RSF1: variants seen among roughly 807,000 people sequenced by gnomAD.
RSF1 encodes remodeling and spacing factor 1, also known as HBV pX-associated protein 8.
Under a neutral mutation model 145.2 loss-of-function variants are expected in RSF1, and 13 were observed. The ratio of observed to expected loss-of-function variants is 0.09; its 90% CI spans 0.06 to 0.14. The LOEUF (loss-of-function observed/expected upper bound fraction) is 0.14. RSF1 is among the 10% of genes least tolerant of loss of function. The pLI is 1.00. For missense variants in RSF1, 1,517 were observed against 1,718.2 expected, an observed-to-expected ratio of 0.88 and a Z score of 2.07; for synonymous variants, 577 against 592.6, an observed-to-expected ratio of 0.97 and a Z score of 0.38.
At chr11:77,714,955 C>A (rs1417671640) in intron 5 of RSF1, among the ~76,000 whole-genome samples, 1 of 152,022 alleles carries the variant, frequency 6.6e-6, no homozygotes, top group Non-Finnish European at 1.5e-5. Context: ...CTCATCTCTA[C>A]AAAAACAATT....
chr11:77,815,363 A>G (rs1948771789), intron 1 of RSF1, among the ~76,000 whole-genome samples: 1 of 152,244 alleles, frequency 6.6e-6, no homozygotes, highest in Non-Finnish European at 1.5e-5. Flanking sequence ...CTTTTGTGGG[A>G]TCTACTCTAC....
the RSF1 span, among the ~76,000 whole-genome samples, chr11:77,864,595 G>A: frequency 0.15 from 22,114 of 152,056 alleles, 1,816 homozygotes; most frequent in Admixed American, 0.2. Flanking sequence ...GGTTCATACT[G>A]GAAGCAGCAA....
In RSF1 at chr11:77,666,757, T is replaced by C; in HGVS notation, c.*160A>G. The C allele has an allele frequency of 2.0e-6, 1 of 495,446 alleles. No individual in the cohort carries two copies. Among genetic ancestry groups the C allele is most frequent in the Non-Finnish European group, 3.5e-6 (1 of 288,524 alleles). 30.7% of individuals were successfully genotyped at this position (495,446 alleles called of 1,614,324 possible). On this transcript the variant is annotated 3_prime_UTR_variant, in exon 16 of 16. Coordinates refer to ENST00000308488, the MANE Select transcript of RSF1 (RefSeq NM_016578.4). ...ATTATTTATCTTCAAAGTTCAGAAC[T>C]GGTCACTTCACAGAAAGACTTCAGG...
intron 14 of RSF1, 101 bp downstream of exon 14, chr11:77,674,935 G>A (rs1407448557): frequency 2.3e-6 from 2 of 869,716 alleles, no homozygotes; most frequent in African/African-American, 1.7e-5. Context: ...GGACACAGAG[G>A]TTGCAGTGAG....
chr11:77,674,007 A>C (rs923836269), intron 14 of RSF1, among the ~76,000 whole-genome samples: 5 of 152,200 alleles, frequency 3.3e-5, no homozygotes, highest in African/African-American at 1.2e-4. Flanking sequence ...TATAAAGAAT[A>C]ATATGGAGAT....
chr11:77,783,961 T>A (rs140903976), intron 1 of RSF1, among the ~76,000 whole-genome samples: 2 of 152,370 alleles, frequency 1.3e-5, no homozygotes, highest in African/African-American at 4.8e-5. Context: ...CACTGCTTTC[T>A]GGCAAAGGAC....
At chr11:77,696,138 T>C (rs1344587578) in intron 7 of RSF1, among the ~76,000 whole-genome samples, 1 of 152,224 alleles carries the variant, frequency 6.6e-6, no homozygotes, top group African/African-American at 2.4e-5. Flanking sequence ...ATTTATCACA[T>C]AGTTTCTATA....
chr11:77,708,875 C>A (rs1330694804), intron 5 of RSF1, among the ~76,000 whole-genome samples: 2 of 152,146 alleles, frequency 1.3e-5, no homozygotes, highest in African/African-American at 4.8e-5. Context: ...AGCAAACTTT[C>A]TATAAAGGGT....
chr11:77,784,648 T>A (rs1948436632), intron 1 of RSF1, among the ~76,000 whole-genome samples: 1 of 152,204 alleles, frequency 6.6e-6, no homozygotes, highest in South Asian at 2.1e-4. Context: ...TAAAAATCAG[T>A]TGGGCTTTGT....
chr11:77,700,838 A>G lies in RSF1; in HGVS notation c.2391T>C (p.Asp797=). ...CATCTTCTCCTTCCCCTCTTTTTTT[A>G]TCAGCTTTCTGATCTCTGATCTCAG... ...KVAEIRDQKA[D]KKRGEGEDEV... The change falls in exon 6 of 16, where the codon GAT becomes GAC. Residue 797 remains aspartate, a synonymous_variant. Transcript: ENST00000308488. 6.2e-7 allele frequency: 1 copy of G among 1,612,702 alleles called. No homozygotes were observed. The highest frequency in any genetic ancestry group is 8.5e-7 in the Non-Finnish European group (1 of 1,179,794).
At chr11:77,736,155 A>G (rs1282708620) in intron 4 of RSF1, among the ~76,000 whole-genome samples, 4 of 152,232 alleles carry the variant, frequency 2.6e-5, no homozygotes. Flanking sequence ...ATCAGTCTTA[A>G]GACAATCACT....
chr11:77,819,895 G>A (rs1256002331), intron 1 of RSF1, among the ~76,000 whole-genome samples: 2 of 151,994 alleles, frequency 1.3e-5, no homozygotes, highest in Admixed American at 6.6e-5. Flanking sequence ...GGGAGGAGCA[G>A]ACCTCCCCAC....
At chr11:77,709,949 T>C (rs1590843732) in intron 5 of RSF1, among the ~76,000 whole-genome samples, 1 of 152,142 alleles carries the variant, frequency 6.6e-6, no homozygotes, top group Non-Finnish European at 1.5e-5. Flanking sequence ...ACTTTAAAAT[T>C]TCATGGTACT....
chr11:77,827,692 C>T, the RSF1 span, among the ~76,000 whole-genome samples: 1 of 152,270 alleles, frequency 6.6e-6, no homozygotes, highest in African/African-American at 2.4e-5. Flanking sequence ...CTAATTCCTC[C>T]CTCCTAAGGT....
intron 5 of RSF1, among the ~76,000 whole-genome samples, chr11:77,724,158 G>A (rs528911384): frequency 2.6e-4 from 39 of 152,210 alleles, no homozygotes; most frequent in African/African-American, 8.2e-4. Flanking sequence ...AAAGATAGAT[G>A]CTTAACATCA....
intron 1 of RSF1, among the ~76,000 whole-genome samples, chr11:77,784,530 G>A (rs1344930760): frequency 6.6e-6 from 1 of 151,998 alleles, no homozygotes; most frequent in African/African-American, 2.4e-5. Context: ...AGCACAGCTA[G>A]TAATTTGAGC....
At chr11:77,810,723 A>G (rs1009868418) in intron 1 of RSF1, among the ~76,000 whole-genome samples, 1 of 152,118 alleles carries the variant, frequency 6.6e-6, no homozygotes, top group Middle Eastern at 3.4e-3. Flanking sequence ...ACCACATCCA[A>G]CTAATTTGTA....
At chr11:77,812,746 T>G (rs1948743050) in intron 1 of RSF1, among the ~76,000 whole-genome samples, 1 of 151,882 alleles carries the variant, frequency 6.6e-6, no homozygotes, top group South Asian at 2.1e-4. Flanking sequence ...AAAAATTAGC[T>G]GGGCGTGGTG....
At chr11:77,697,424 A>G (rs926946236) in intron 7 of RSF1, among the ~76,000 whole-genome samples, 2 of 145,974 alleles carry the variant, frequency 1.4e-5, no homozygotes, top group Non-Finnish European at 3.0e-5. Context: ...AGACTCACTT[A>G]TGAACTGCAA....
Sources: allele counts gnomAD v4.1 joint callset (sites outside exome capture counted in the v4.1 genomes callset), GRCh38; gene constraint gnomAD v4.1.1; transcripts MANE v1.5; gene names NCBI Gene and HGNC (gene_info 2026-07-23, HGNC 2026-07-21).